Variants in DDRGK1 observed in about 807,000 individuals in gnomAD.
DDRGK1 encodes the protein DDRGK domain containing 1, also known as DDRGK domain-containing protein 1.
A neutral mutation model predicts 45.8 loss-of-function variants in DDRGK1; 38 were observed. The observed-to-expected ratio is 0.83, with a 90% confidence interval of 0.64 to 1.09. The LOEUF (loss-of-function observed/expected upper bound fraction) is 1.09, where lower values mean the gene tolerates loss of function less well. Among genes scored for constraint, DDRGK1 ranks in the 50% least tolerant of loss-of-function variants. The pLI, the probability that DDRGK1 is intolerant of heterozygous loss-of-function variation, is 0.00. For missense variants in DDRGK1, 403 were observed against 419.9 expected (o/e 0.96, Z 0.35); for synonymous variants, 171 against 168.7 (o/e 1.01, Z -0.11).
At position 3,191,234 on chromosome 20, in the gene DDRGK1, G is replaced by A; in HGVS notation, c.734C>T (p.Thr245Ile). The change falls in exon 8 of 9, where the codon ACC becomes ATC. Residue 245 changes from threonine to isoleucine, a missense_variant. By Grantham distance (89) the Thr-to-Ile change is moderately conservative (BLOSUM62 -1). Coordinates refer to ENST00000354488, the MANE Select transcript of DDRGK1 (RefSeq NM_023935.3). Reference protein sequence around the residue: ...ASQVGLRTQDTINRIQDLLAE... With the variant: ...ASQVGLRTQDIINRIQDLLAE... Reference sequence around the variant, plus strand: ...CAGCAGGTCCTGGATGCGATTTATGGTGTCCTATGAGGAGAACAACTCTCA... The same window carrying A: ...CAGCAGGTCCTGGATGCGATTTATGATGTCCTATGAGGAGAACAACTCTCA... 6.2e-7 allele frequency: 1 copy of A among 1,614,184 alleles called. No homozygotes were observed. The highest frequency in any genetic ancestry group is 1.7e-5 in the Admixed American group (1 of 60,020).
chr20:3,194,331 G>C (rs1353606530), intron 6 of DDRGK1, among the ~76,000 whole-genome samples: 5 of 152,210 alleles, frequency 3.3e-5, no homozygotes, highest in Admixed American at 3.3e-4. Context: ...ATGCAACCTG[G>C]AGCAGCATCG....
At chr20:3,201,651 T>TGTTTTTTTTG (rs1482166435) in intron 2 of DDRGK1, among the ~76,000 whole-genome samples, 2 of 151,266 alleles carry the variant, frequency 1.3e-5, no homozygotes, top group Admixed American at 1.3e-4. Context: ...GAGAGAGGGT[T>TGTTTTTTTTG]GTTTTTTTTG....
chr20:3,193,611 T>C (rs2066998216), intron 6 of DDRGK1, among the ~76,000 whole-genome samples: 1 of 152,178 alleles, frequency 6.6e-6, no homozygotes, highest in African/African-American at 2.4e-5. Context: ...CCTCAAGTGA[T>C]CTGCCCGCCT....
At chr20:3,198,915 G>A (rs1280908940) in intron 4 of DDRGK1, among the ~76,000 whole-genome samples, 1 of 144,530 alleles carries the variant, frequency 6.9e-6, no homozygotes, top group African/African-American at 2.6e-5. Context: ...GCCAAGGGAA[G>A]AGAATTGCTT....
At chr20:3,191,064 C>CAGTGT (rs2066987464) in intron 8 of DDRGK1, 126 bp downstream of exon 8, 3 of 1,296,278 alleles carry the variant, frequency 2.3e-6, no homozygotes, top group Non-Finnish European at 3.3e-6. Flanking sequence ...CTACTCAGTG[C>CAGTGT]CCCTCCTTGC....
At chr20:3,200,918 G>A (rs1353200844) in intron 2 of DDRGK1, among the ~76,000 whole-genome samples, 2 of 152,182 alleles carry the variant, frequency 1.3e-5, no homozygotes, top group East Asian at 1.9e-4. Flanking sequence ...AGATCATCCT[G>A]GCTAACATGG....
chr20:3,200,554 T>G, intron 2 of DDRGK1, 100 bp from the exon 3 acceptor site: 3 of 1,037,708 alleles, frequency 2.9e-6, no homozygotes, highest in Non-Finnish European at 2.9e-6. Context: ...GGGGATCCCC[T>G]TCCACCCACC....
chr20:3,193,293 A>G (rs1250268583), intron 6 of DDRGK1, among the ~76,000 whole-genome samples: 1 of 152,270 alleles, frequency 6.6e-6, no homozygotes, highest in Non-Finnish European at 1.5e-5. Flanking sequence ...GAAAGCAGAC[A>G]GACTGAATTT....
At position 3,195,307 on chromosome 20, in the gene DDRGK1, T is replaced by C. The variant is rs756718469; in HGVS notation, c.557A>G (p.His186Arg). 2.4e-5 allele frequency: 39 copies of C among 1,612,910 alleles called. No individual in the cohort carries two copies. Among genetic ancestry groups the C allele is most frequent in the Non-Finnish European group, 3.1e-5 (37 of 1,179,434 alleles). ...CTCCTTCAGTTTCAGGTACTCCTCA[T>C]GCTCCCGCTGGGCCTGCTCCTCGCG... ...KAREEQAQRE[H>R]EEYLKLKEAF... The change falls in exon 5 of 9, where the codon CAT (histidine) becomes CGT (arginine). Residue 186 changes from histidine to arginine, a missense_variant. His to Arg is a conservative substitution (Grantham distance 29). Coordinates refer to ENST00000354488, the MANE Select transcript of DDRGK1 (RefSeq NM_023935.3).
chr20:3,200,377 G>C lies in DDRGK1; in HGVS notation c.373C>G (p.Leu125Val). The C allele has an allele frequency of 6.3e-7, 1 of 1,577,596 alleles. No individual in the cohort carries two copies. Among genetic ancestry groups the C allele is most frequent in the Non-Finnish European group, 8.6e-7 (1 of 1,161,242 alleles). Residue 125 changes from leucine (L) to valine (V), a missense_variant, in exon 3 of 9, where the codon CTG (leucine) becomes GTG (valine). By Grantham distance (32) the Leu-to-Val change is conservative. Transcript: ENST00000354488. ...GCCTTTCGCGCTTGTTTCTCCTCCA[G>C]CTTCCGCAGTTTCTTAGCTCCAATT... Reference protein sequence around the residue: ...GKIGAKKLRKLEEKQARKAQR... With the variant: ...GKIGAKKLRKVEEKQARKAQR...
intron 7 of DDRGK1, 108 bp from the exon 8 acceptor site, chr20:3,191,346 C>A: frequency 9.4e-6 from 12 of 1,272,492 alleles, no homozygotes; most frequent in Non-Finnish European, 1.2e-5. Flanking sequence ...CCTCTCATGC[C>A]ACGCCCAAAT....
chr20:3,193,499 T>C (rs1005976157), intron 6 of DDRGK1, among the ~76,000 whole-genome samples: 1 of 152,120 alleles, frequency 6.6e-6, no homozygotes, highest in African/African-American at 2.4e-5. Context: ...GCCTCCTGAG[T>C]AGCTGGGACT....
Position 3,200,336 on chromosome 20 carries a change from G to T in DDRGK1, c.408+6C>A. 6.4e-7 allele frequency: 1 copy of T among 1,558,582 alleles called. No homozygotes were observed. ...CCCAGAGCTGCACCCCATCCCTCCG[G>T]CTTGCCTCACGCTGGGCCTTTCGCG... On this transcript the variant is annotated splice_donor_region_variant and intron_variant, in intron 3 of 8. Coordinates refer to ENST00000354488, the MANE Select transcript of DDRGK1 (RefSeq NM_023935.3).
chr20:3,203,089 T>G, intron 2 of DDRGK1, 124 bp downstream of exon 2: 5 of 878,866 alleles, frequency 5.7e-6, no homozygotes, highest in Non-Finnish European at 8.4e-6. Context: ...TACTCTACCG[T>G]GTGGCTCCCA....
At chr20:3,204,341 A>G (rs2067055722) in intron 1 of DDRGK1, among the ~76,000 whole-genome samples, 196 bp downstream of exon 1, 3 of 151,948 alleles carry the variant, frequency 2.0e-5, no homozygotes, top group African/African-American at 7.2e-5. Flanking sequence ...AGTCGAGAGA[A>G]AGGGGTAGCG....
chr20:3,193,154 T>C (rs1294457974), intron 6 of DDRGK1, among the ~76,000 whole-genome samples: 1 of 152,152 alleles, frequency 6.6e-6, no homozygotes, highest in African/African-American at 2.4e-5. Context: ...AGCCCAGCCA[T>C]GGTCAGACAG....
chr20:3,190,917 T>C, intron 8 of DDRGK1, 98 bp from the exon 9 acceptor site: 1 of 1,477,332 alleles, frequency 6.8e-7, no homozygotes, highest in East Asian at 2.5e-5. Flanking sequence ...CTCAGGGCCC[T>C]TCCGGCCTCC....
chr20:3,190,854 C>T, intron 8 of DDRGK1, 35 bp from the exon 9 acceptor site: 1 of 1,582,320 alleles, frequency 6.3e-7, no homozygotes. Context: ...GCTGAGGCCT[C>T]CTGGGCGTTC....
At chr20:3,195,426 C>T (rs7263489) in intron 4 of DDRGK1, 73 bp from the exon 5 acceptor site, 242,293 of 1,509,012 alleles carry the variant, frequency 0.16, 21,535 homozygotes, top group African/African-American at 0.35. Flanking sequence ...TTGCTGCTAC[C>T]CCTGCAGGAC....
Sources: gnomAD v4.1 joint callset for allele counts (sites outside exome capture counted in the v4.1 genomes callset) on GRCh38, gnomAD v4.1.1 for gene constraint, MANE v1.5 for transcripts, NCBI Gene and HGNC (gene_info 2026-07-23, HGNC 2026-07-21) for gene names.